The following CTNNA2 variants were observed in gnomAD, a reference collection of about 807,000 sequenced individuals.
CTNNA2 encodes catenin alpha 2.
CTNNA2 carries 42 observed loss-of-function variants against 101.0 expected under a neutral mutation model. The ratio of observed to expected loss-of-function variants is 0.42; its 90% CI spans 0.32 to 0.54. The LOEUF (loss-of-function observed/expected upper bound fraction) is 0.54, where lower values mean the gene tolerates loss of function less well. Among genes scored for constraint, CTNNA2 ranks in the 20% least tolerant of loss-of-function variants. The pLI is 0.14. For missense variants in CTNNA2, 871 were observed against 1,223.1 expected (o/e 0.71, Z 4.29); for synonymous variants, 450 against 456.4 (o/e 0.99, Z 0.18).
chr2:80,107,255 C>T (rs1269011163), intron 7 of CTNNA2, among the ~76,000 whole-genome samples: 2 of 152,150 alleles, frequency 1.3e-5, no homozygotes, highest in East Asian at 3.9e-4. Context: ...TGCCTTTTCT[C>T]AAACTACCTA....
chr2:79,261,877 G>A (rs1272392828), intron 2 of CTNNA2, among the ~76,000 whole-genome samples: 1 of 152,168 alleles, frequency 6.6e-6, no homozygotes. Flanking sequence ...CAGCTAACTA[G>A]TTTTTCACAT....
At chr2:80,495,016 G>T (rs747136119) in intron 9 of CTNNA2, among the ~76,000 whole-genome samples, 1 of 152,098 alleles carries the variant, frequency 6.6e-6, no homozygotes, top group Non-Finnish European at 1.5e-5. Context: ...CATGAACTGT[G>T]GTGGCTCCTG....
At chr2:79,428,059 C>T (rs1678611434) in intron 4 of CTNNA2, among the ~76,000 whole-genome samples, 1 of 152,114 alleles carries the variant, frequency 6.6e-6, no homozygotes, top group Admixed American at 6.6e-5. Flanking sequence ...ACCAAAACTC[C>T]TTAATGTCTT....
intron 7 of CTNNA2, among the ~76,000 whole-genome samples, chr2:80,170,577 A>G (rs1704992483): frequency 6.6e-6 from 1 of 152,162 alleles, no homozygotes; most frequent in Non-Finnish European, 1.5e-5. Context: ...TTTCAAAAAC[A>G]GGACTGTATG....
intron 9 of CTNNA2, among the ~76,000 whole-genome samples, chr2:80,427,226 A>C (rs1181033369): frequency 1.3e-5 from 2 of 152,326 alleles, no homozygotes; most frequent in Admixed American, 6.5e-5. Context: ...AGGATCCTAA[A>C]GGTCACCTTG....
intron 7 of CTNNA2, among the ~76,000 whole-genome samples, chr2:80,381,882 ACTC>A (rs2149350128): frequency 6.6e-6 from 1 of 151,852 alleles, no homozygotes; most frequent in African/African-American, 2.4e-5. Context: ...AAGCTTATCT[ACTC>A]CCACCACTCA....
In CTNNA2 at chr2:80,209,883, A is replaced by T. The variant is rs187092499; in HGVS notation, c.1057-183328A>T. On this transcript the variant is annotated intron_variant, in intron 7 of 18. Transcript: ENST00000402739. ...ATATATCATTTTTTTGATTACAAAA[A>T]TATTGGTATGCTTATTACATAACGT... Among the ~76,000 whole-genome samples the T allele has an allele frequency of 3.6e-3, 548 of 152,358 alleles. 1 individual carries two copies. The highest frequency in any genetic ancestry group is 5.3e-3 in the Non-Finnish European group (358 of 68,042).
At chr2:80,261,930 T>C (rs1043648189) in intron 7 of CTNNA2, among the ~76,000 whole-genome samples, 1 of 152,198 alleles carries the variant, frequency 6.6e-6, no homozygotes, top group Non-Finnish European at 1.5e-5. Flanking sequence ...CAGTTCACTG[T>C]ACATAAATGT....
At chr2:80,596,472 G>C (rs1696990684) in intron 15 of CTNNA2, among the ~76,000 whole-genome samples, 1 of 151,136 alleles carries the variant, frequency 6.6e-6, no homozygotes, top group South Asian at 2.1e-4. Flanking sequence ...ACCATGCCCG[G>C]CTAATTTTTT....
At chr2:80,391,131 GAA>G (rs555715820) in intron 7 of CTNNA2, among the ~76,000 whole-genome samples, 12 of 70,820 alleles carry the variant, frequency 1.7e-4, no homozygotes, top group Admixed American at 3.1e-4. Context: ...GACTGTCTCA[GAA>G]AAAAAAAAAA....
chr2:80,579,421 G>A (rs1337771305), intron 13 of CTNNA2: 4 of 152,104 alleles, frequency 2.6e-5, no homozygotes, highest in African/African-American at 7.2e-5. Context: ...AAAAGCGCTT[G>A]TAATCTTGTC....
intron 1 of CTNNA2, among the ~76,000 whole-genome samples, chr2:79,644,926 G>T (rs1294753557): frequency 1.3e-5 from 2 of 152,010 alleles, no homozygotes; most frequent in African/African-American, 4.8e-5. Context: ...GTACGCCAGA[G>T]TGGTTTTGAG....
At chr2:79,343,708 C>T (rs1232971688) in intron 3 of CTNNA2, among the ~76,000 whole-genome samples, 1 of 137,386 alleles carries the variant, frequency 7.3e-6, no homozygotes, top group Non-Finnish European at 1.5e-5. Flanking sequence ...GTAACAATGG[C>T]CTGAAGACAC....
chr2:80,620,917 A>G (rs1004461744), intron 18 of CTNNA2, among the ~76,000 whole-genome samples: 1 of 151,944 alleles, frequency 6.6e-6, no homozygotes, highest in African/African-American at 2.4e-5. Context: ...CATGGAATGC[A>G]TTGTGCATGC....
intron 4 of CTNNA2, among the ~76,000 whole-genome samples, chr2:79,494,285 T>C (rs1025746515): frequency 1.3e-5 from 2 of 152,006 alleles, no homozygotes; most frequent in Admixed American, 6.5e-5. Flanking sequence ...CTATTTTTTT[T>C]TTTTTTCAGA....
chr2:80,419,729 T>C (rs1430367112), intron 9 of CTNNA2, 128 bp downstream of exon 9: 1 of 949,522 alleles, frequency 1.1e-6, no homozygotes, highest in East Asian at 2.7e-5. Flanking sequence ...AATCATTCTT[T>C]CCTTTACTTT....
chr2:80,325,882 C>T (rs942291070), intron 7 of CTNNA2, among the ~76,000 whole-genome samples: 2 of 152,170 alleles, frequency 1.3e-5, no homozygotes, highest in African/African-American at 4.8e-5. Flanking sequence ...TGCCAGGACC[C>T]AGAGTAGTAA....
intron 7 of CTNNA2, among the ~76,000 whole-genome samples, chr2:80,252,862 G>A (rs924619033): frequency 6.6e-6 from 1 of 152,142 alleles, no homozygotes; most frequent in Non-Finnish European, 1.5e-5. Context: ...GGGTGAGTGG[G>A]AGTGGTAAGT....
chr2:80,424,147 G>A (rs1680778818), intron 9 of CTNNA2, among the ~76,000 whole-genome samples: 1 of 152,070 alleles, frequency 6.6e-6, no homozygotes, highest in South Asian at 2.1e-4. Flanking sequence ...GTAGAGACGG[G>A]GTTTCACTAT....
Sources: allele counts gnomAD v4.1 joint callset (sites outside exome capture counted in the v4.1 genomes callset), GRCh38; gene constraint gnomAD v4.1.1; transcripts MANE v1.5; gene names NCBI Gene and HGNC (gene_info 2026-07-23, HGNC 2026-07-21).